The following MGST1 variants were observed in gnomAD, a reference collection of about 807,000 sequenced individuals.
The protein encoded by MGST1 is microsomal glutathione S-transferase 1, also known as glutathione S-transferase 12.
In MGST1, 5 loss-of-function variants were observed where a neutral mutation model predicts 8.9. That is an observed-to-expected ratio of 0.56 (90% CI 0.29 to 1.19). MGST1 has a LOEUF of 1.19. Among genes scored for constraint, MGST1 ranks in the 50% most tolerant of loss-of-function variants. MGST1 has a pLI of 0.08. For synonymous variants in MGST1, 54 were observed against 67.8 expected (o/e 0.80, Z 1.00); for missense variants, 182 against 187.4 (o/e 0.97, Z 0.17).
chr12:16,486,844 A>T (rs1941401760), intron 4 of MGST1, among the ~76,000 whole-genome samples: 1 of 151,938 alleles, frequency 6.6e-6, no homozygotes, highest in Non-Finnish European at 1.5e-5. Flanking sequence ...TTCAAAGCTA[A>T]GGTGGACAAA....
intron 4 of MGST1, among the ~76,000 whole-genome samples, chr12:16,512,036 GA>G (rs1321487069): frequency 6.6e-6 from 1 of 152,122 alleles, no homozygotes; most frequent in African/African-American, 2.4e-5. Context: ...TGGATTTCAA[GA>G]ATTTTCTTGA....
chr12:16,411,652 G>A (rs1940744104), intron 1 of MGST1, among the ~76,000 whole-genome samples: 1 of 152,158 alleles, frequency 6.6e-6, no homozygotes. Context: ...AGTATGAACA[G>A]TGTCATAATG....
At chr12:16,578,444 C>T (rs1404036831) in intron 4 of MGST1, among the ~76,000 whole-genome samples, 16 of 152,136 alleles carry the variant, frequency 1.1e-4, no homozygotes, top group Admixed American at 1.0e-3. Flanking sequence ...AGCAGTTGTG[C>T]TCTCTTTGGA....
chr12:16,518,350 A>G (rs1941627457), intron 4 of MGST1, among the ~76,000 whole-genome samples: 1 of 152,184 alleles, frequency 6.6e-6, no homozygotes, highest in South Asian at 2.1e-4. Flanking sequence ...TTCAGCATTC[A>G]GGCCTTAATT....
intron 1 of MGST1, among the ~76,000 whole-genome samples, chr12:16,409,446 G>A (rs1215359456): frequency 6.6e-6 from 1 of 152,076 alleles, no homozygotes; most frequent in African/African-American, 2.4e-5. Context: ...AGGGCTAGAC[G>A]TTCACCTGTG....
intron 1 of MGST1, among the ~76,000 whole-genome samples, chr12:16,385,686 G>C (rs1940498865): frequency 7.1e-6 from 1 of 140,684 alleles, no homozygotes; most frequent in South Asian, 2.3e-4. Context: ...CTTTTCAAAG[G>C]GCTTTCTTTT....
At chr12:16,520,888 G>A (rs1040749541) in intron 4 of MGST1, among the ~76,000 whole-genome samples, 10 of 152,082 alleles carry the variant, frequency 6.6e-5, no homozygotes, top group African/African-American at 2.4e-4. Flanking sequence ...TCCTTACCCC[G>A]TCTTCTTATG....
intron 4 of MGST1, among the ~76,000 whole-genome samples, chr12:16,496,091 C>T (rs767363834): frequency 5.9e-5 from 9 of 152,082 alleles, no homozygotes; most frequent in Non-Finnish European, 1.2e-4. Flanking sequence ...AGCTGTCTGT[C>T]ATACTTAGCC....
chr12:16,527,860 C>T (rs371135705), intron 4 of MGST1, among the ~76,000 whole-genome samples: 7 of 151,990 alleles, frequency 4.6e-5, no homozygotes, highest in African/African-American at 1.7e-4. Flanking sequence ...GCAATCAGCG[C>T]ATACGCCCCC....
chr12:16,561,692 C>T (rs1338939735), intron 4 of MGST1, among the ~76,000 whole-genome samples: 1 of 152,148 alleles, frequency 6.6e-6, no homozygotes, highest in Non-Finnish European at 1.5e-5. Flanking sequence ...TTAAGGCATG[C>T]ATATTCATTT....
In MGST1 at chr12:16,482,734, A is replaced by G. The variant is rs1941373001; in HGVS notation, n.482+99130A>G. On this transcript the variant is annotated intron_variant and non_coding_transcript_variant, in intron 4 of 4. Coordinates refer to the MGST1 transcript ENST00000538857. This position sits in a 1 kb window ranked among gnomAD's most constrained non-coding sequence, Gnocchi z 4.2. ...AGACAGGTATGTTCTGGAGAAGGGA[A>G]AAGATAATGGCTGAGATACGCAAAG... Among the ~76,000 whole-genome samples the G allele has an allele frequency of 1.3e-5, 2 of 152,212 alleles. No individual in the cohort carries two copies. The highest frequency in any genetic ancestry group is 2.1e-4 in the South Asian group (1 of 4,834).
chr12:16,491,384 G>A (rs1382729133), intron 4 of MGST1, among the ~76,000 whole-genome samples: 2 of 152,124 alleles, frequency 1.3e-5, no homozygotes, highest in Non-Finnish European at 2.9e-5. Flanking sequence ...CCTAATGGCC[G>A]AGACATAGAA....
At chr12:16,462,723 G>A (rs1258866862) in intron 4 of MGST1, among the ~76,000 whole-genome samples, 7 of 152,104 alleles carry the variant, frequency 4.6e-5, no homozygotes, top group Admixed American at 3.9e-4. Flanking sequence ...GGCAGGGTAA[G>A]CATCATCTTT....
intron 1 of MGST1, chr12:16,399,285 T>G: frequency 6.2e-7 from 1 of 1,605,266 alleles, no homozygotes; most frequent in Non-Finnish European, 8.5e-7. Flanking sequence ...TTACTTCCTC[T>G]TTTTCTTGGG....
In MGST1 at chr12:16,544,923, T is replaced by A. The variant is rs1012610681; in HGVS notation, n.483-44605T>A. On this transcript the variant is annotated intron_variant and non_coding_transcript_variant, in intron 4 of 4. Coordinates refer to the MGST1 transcript ENST00000538857. This position sits in a 1 kb window ranked among gnomAD's most constrained non-coding sequence, Gnocchi z 4.8. ...GCTAGTTCTTGTGCCCCAACCAAGG[T>A]TCATATCGTCAATAACACAGATCCT... is the stretch of plus-strand genomic sequence containing the variant. 6.6e-6 allele frequency among the ~76,000 whole-genome samples: 1 copy of A among 152,032 alleles called. No homozygotes were observed. The highest frequency in any genetic ancestry group is 1.5e-5 in the Non-Finnish European group (1 of 67,940).
At position 16,555,166 on chromosome 12, in the gene MGST1, A is replaced by G. The variant is rs898372451; in HGVS notation, n.483-34362A>G. ...GACTAATACTTTATCAGAATTTGCT[A>G]TCATTATTATTTGGTAATGATAATC... On this transcript the variant is annotated intron_variant and non_coding_transcript_variant, in intron 4 of 4. Transcript: ENST00000538857. The surrounding 1 kb of genome is among the most constrained non-coding windows in gnomAD (Gnocchi z 5.5). Among the ~76,000 whole-genome samples, 20 of 152,226 alleles carry G rather than the reference A, an allele frequency of 1.3e-4. 1 individual carries two copies. Among genetic ancestry groups the G allele is most frequent in the Admixed American group, 1.2e-3 (19 of 15,270 alleles).
At chr12:16,445,992 C>T (rs1463081873) in intron 4 of MGST1, among the ~76,000 whole-genome samples, 2 of 151,930 alleles carry the variant, frequency 1.3e-5, no homozygotes, top group Non-Finnish European at 2.9e-5. Context: ...GAAAGTTACT[C>T]TAATTGGCAT....
In MGST1 at chr12:16,503,308, T is replaced by C. The variant is rs900492893; in HGVS notation, n.483-86220T>C. Among the ~76,000 whole-genome samples the C allele has an allele frequency of 3.3e-5, 5 of 152,184 alleles. No individual in the cohort carries two copies. Among genetic ancestry groups the C allele is most frequent in the African/African-American group, 9.7e-5 (4 of 41,434 alleles). The stretch of plus-strand genomic sequence containing the variant: ...TCAAATAGCATTTTTTTCTACTTTT[T>C]CCCTCATTCTTAGCTTGGCTTCACT... On this transcript the variant is annotated intron_variant and non_coding_transcript_variant, in intron 4 of 4. Transcript: ENST00000538857. The surrounding 1 kb of genome is among the most constrained non-coding windows in gnomAD (Gnocchi z 4.8).
rs932205950 is a variant in MGST1, at chr12:16,582,212, G to A, written n.483-7316G>A. Among the ~76,000 whole-genome samples, 1 of 152,062 alleles carries A rather than the reference G, an allele frequency of 6.6e-6. No homozygotes were observed. The highest frequency in any genetic ancestry group is 2.4e-5 in the African/African-American group (1 of 41,408). ...TTGAAATGGCTGAATTTTATCAATT[G>A]CCTTTTTGGTACAGACTGCCATAAC... On this transcript the variant is annotated intron_variant and non_coding_transcript_variant, in intron 4 of 4. Coordinates refer to the MGST1 transcript ENST00000538857. The surrounding 1 kb of genome is among the most constrained non-coding windows in gnomAD (Gnocchi z 4.1).
Sources: gnomAD v4.1 joint callset for allele counts (sites outside exome capture counted in the v4.1 genomes callset) on GRCh38, gnomAD v4.1.1 for gene constraint, Gnocchi (gnomAD v3.1) non-coding constraint, MANE v1.5 for transcripts, NCBI Gene and HGNC (gene_info 2026-07-23, HGNC 2026-07-21) for gene names.